The following RPL3 variants were observed in gnomAD, a reference collection of about 807,000 sequenced individuals.
The protein encoded by RPL3 is ribosomal protein L3.
In RPL3, 3 loss-of-function variants were observed where a neutral mutation model predicts 46.0. That is an observed-to-expected ratio of 0.07 (90% CI 0.03 to 0.17). The LOEUF (loss-of-function observed/expected upper bound fraction) is 0.17. Among genes scored for constraint, RPL3 ranks in the 10% least tolerant of loss-of-function variants. The pLI, the probability that RPL3 is intolerant of heterozygous loss-of-function variation, is 1.00. For synonymous variants in RPL3, 224 were observed against 190.8 expected (o/e 1.17, Z -1.43); for missense variants, 387 against 532.7 (o/e 0.73, Z 2.69).
intron 3 of RPL3, chr22:39,317,188 T>C: frequency 3.5e-6 from 2 of 566,206 alleles, no homozygotes; most frequent in East Asian, 6.0e-5. Flanking sequence ...TTAATTATTC[T>C]GCTACCTCTC....
intron 1 of RPL3, 136 bp downstream of exon 1, chr22:39,319,459 C>G: frequency 8.1e-7 from 1 of 1,228,960 alleles, no homozygotes; most frequent in Non-Finnish European, 1.2e-6. Flanking sequence ...ATAGGCCAGA[C>G]TGAAGTCCCC....
intron 2 of RPL3, chr22:39,318,057 C>G (rs1411169237): frequency 2.8e-6 from 1 of 356,628 alleles, no homozygotes; most frequent in Admixed American, 4.6e-5. Flanking sequence ...TTCAAGCTTT[C>G]AGGTGAAAAA....
At chr22:39,317,117 GTGA>G (rs757094150) in intron 3 of RPL3, 5 of 602,878 alleles carry the variant, frequency 8.3e-6, no homozygotes, top group Non-Finnish European at 1.2e-5. Flanking sequence ...AGCCCACTCA[GTGA>G]TGAAGGAAAT....
Position 39,313,286 on chromosome 22 carries a change from G to A in RPL3, c.1072C>T (p.Arg358Trp), listed in dbSNP as rs760707879. Residue 358 changes from arginine to tryptophan, a missense_variant, in exon 9 of 10, where the codon CGG (arginine) becomes TGG (tryptophan). Transcript: ENST00000216146. The stretch of plus-strand genomic sequence containing the variant: ...TTAAGGTCAATCTTCTCCAGAGCCC[G>A]CCGCTTCGTCTGCACCAGCAAGGAC... ...RKSLLVQTKR[R>W]ALEKIDLKFI... The A allele has an allele frequency of 1.5e-5, 24 of 1,613,554 alleles. No individual in the cohort carries two copies. Among genetic ancestry groups the A allele is most frequent in the East Asian group, 4.5e-5 (2 of 44,882 alleles).
intron 3 of RPL3, chr22:39,317,060 A>G (rs758232742): frequency 3.0e-6 from 2 of 676,134 alleles, no homozygotes; most frequent in South Asian, 3.8e-5. Flanking sequence ...AGTTACACGC[A>G]TTCAAACAAA....
Position 39,318,245 on chromosome 22 carries a change from T to C in RPL3, c.196+155A>G, listed in dbSNP as rs1308002326. 13 of 705,798 alleles carry C rather than the reference T, an allele frequency of 1.8e-5. No individual in the cohort carries two copies. In the East Asian group the frequency reaches 3.1e-4, roughly 17 times the overall value. 43.7% of individuals were successfully genotyped at this position (705,798 alleles called of 1,614,324 possible). A position where few individuals can be genotyped will look rare whatever the true frequency, so the allele number is the denominator to read the frequency against. On this transcript the variant is annotated intron_variant, in intron 2 of 9. Transcript: ENST00000216146. ...AGCCTTGGAATATTAGTTTTCAAGTTAAGCATTCCCATTCTGCTGTCGCAG... is the reference window on the plus strand; with the variant it reads ...AGCCTTGGAATATTAGTTTTCAAGTCAAGCATTCCCATTCTGCTGTCGCAG...
chr22:39,319,167 G>A, intron 1 of RPL3: 6 of 545,212 alleles, frequency 1.1e-5, no homozygotes, highest in South Asian at 8.4e-5. Flanking sequence ...CAGATATTCA[G>A]GAGGACTCCA....
At position 39,314,213 on chromosome 22, in the gene RPL3, A is replaced by T; in HGVS notation, c.850-5T>A. 1 of 1,612,836 alleles carries T rather than the reference A, an allele frequency of 6.2e-7. No homozygotes were observed. The highest frequency in any genetic ancestry group is 8.5e-7 in the Non-Finnish European group (1 of 1,178,872). On this transcript the variant is annotated splice_polypyrimidine_tract_variant and splice_region_variant and intron_variant, in intron 6 of 9. Transcript: ENST00000216146. ...GCCCTGGCCAATCTTATAAATCTGA[A>T]TGAACAAGAAGGGTGTAAGGCTGGG... is the stretch of plus-strand genomic sequence containing the variant.
chr22:39,313,926 C>T (rs765025756), intron 7 of RPL3, 181 bp downstream of exon 7: 1 of 829,092 alleles, frequency 1.2e-6, no homozygotes, highest in Non-Finnish European at 2.1e-6. Flanking sequence ...CCTGAGACCC[C>T]ACTTCTCACC....
intron 4 of RPL3, among the ~76,000 whole-genome samples, 182 bp from the exon 5 acceptor site, chr22:39,315,737 C>T (rs575239654): frequency 1.3e-5 from 2 of 152,352 alleles, no homozygotes; most frequent in African/African-American, 4.8e-5. Context: ...AACAACTTAA[C>T]TTTGGATACT....
chr22:39,319,557 G>A (rs1485741638), intron 1 of RPL3, 38 bp downstream of exon 1: 4 of 1,560,514 alleles, frequency 2.6e-6, no homozygotes, highest in Admixed American at 1.9e-5. Context: ...CCGTGCCGAC[G>A]CCGGTGACAA....
intron 7 of RPL3, 44 bp from the exon 8 acceptor site, chr22:39,313,773 G>T: frequency 6.4e-7 from 1 of 1,566,832 alleles, no homozygotes; most frequent in Non-Finnish European, 8.8e-7. Flanking sequence ...GGAGGGGATT[G>T]TCGTGCAGAT....
chr22:39,314,055 C>CA (rs1405746907), intron 7 of RPL3, 52 bp downstream of exon 7: 6 of 1,526,442 alleles, frequency 3.9e-6, no homozygotes, highest in Admixed American at 3.3e-5. Context: ...AGCCTATCCC[C>CA]AAAAGCACGA....
At position 39,314,669 on chromosome 22, in the gene RPL3, C is replaced by T; in HGVS notation, c.849+17G>A. The T allele has an allele frequency of 6.2e-7, 1 of 1,603,710 alleles. No homozygotes were observed. Among genetic ancestry groups the T allele is most frequent in the Non-Finnish European group, 8.5e-7 (1 of 1,173,436 alleles). The stretch of plus-strand genomic sequence containing the variant: ...GGGCCTCTTCCCACCCCCAGGGAGC[C>T]ACTCTCAGAACCTCACCTTCTTGTT... On this transcript the variant is annotated intron_variant, in intron 6 of 9. Transcript: ENST00000216146.
intron 8 of RPL3, 45 bp downstream of exon 8, chr22:39,313,589 T>G: frequency 1.3e-6 from 2 of 1,576,424 alleles, no homozygotes; most frequent in Non-Finnish European, 1.7e-6. Context: ...CCTTGGATCC[T>G]CCCTCTACAA....
chr22:39,313,860 C>CT (rs1275957495), intron 7 of RPL3, 131 bp from the exon 8 acceptor site: 6 of 944,022 alleles, frequency 6.4e-6, no homozygotes, highest in Non-Finnish European at 1.0e-5. Context: ...GTTCCGCAGT[C>CT]TGTCTCGGGC....
intron 4 of RPL3, among the ~76,000 whole-genome samples, chr22:39,316,246 A>AAG (rs1922682904): frequency 6.6e-6 from 1 of 151,596 alleles, no homozygotes; most frequent in African/African-American, 2.4e-5. Flanking sequence ...TCTCTAAAAA[A>AAG]AAAAAAATGC....
rs1357140249 is a variant in RPL3 at position 39,318,522 on chromosome 22, T to C, written c.74A>G (p.His25Arg). The change falls in exon 2 of 10, where the codon CAT becomes CGT. Residue 25 changes from histidine to arginine, a missense_variant. By Grantham distance (29) the His-to-Arg change is conservative (BLOSUM62 0). Coordinates refer to ENST00000216146, the MANE Select transcript of RPL3 (RefSeq NM_000967.4). Reference sequence around the variant, plus strand: ...AGGGAAGCTCTTCACCTTCCCACGATGCCTGCTGCTGCGCTTCCGAGGCAG... The same window carrying C: ...AGGGAAGCTCTTCACCTTCCCACGACGCCTGCTGCTGCGCTTCCGAGGCAG... ...GFLPRKRSSRHRGKVKSFPKD... is the reference protein window; with the variant it reads ...GFLPRKRSSRRRGKVKSFPKD... 1.9e-6 allele frequency: 3 copies of C among 1,613,844 alleles called. No individual in the cohort carries two copies. The highest frequency in any genetic ancestry group is 8.5e-7 in the Non-Finnish European group (1 of 1,179,838).
At chr22:39,316,906 T>C (rs545794584) in intron 3 of RPL3, 65 bp from the exon 4 acceptor site, 6 of 1,612,042 alleles carry the variant, frequency 3.7e-6, no homozygotes, top group Non-Finnish European at 5.1e-6. Context: ...CTCCGAGGGG[T>C]GAGCGGAAGG....
Sources: allele counts gnomAD v4.1 joint callset (sites outside exome capture counted in the v4.1 genomes callset), GRCh38; gene constraint gnomAD v4.1.1; transcripts MANE v1.5; gene names NCBI Gene and HGNC (gene_info 2026-07-23, HGNC 2026-07-21).